The following SGCZ variants were observed in gnomAD, a reference collection of about 807,000 sequenced individuals.
SGCZ encodes the protein zeta-sarcoglycan.
Under a neutral mutation model 41.3 loss-of-function variants are expected in SGCZ, and 40 were observed. The ratio of observed to expected loss-of-function variants is 0.97; its 90% CI spans 0.75 to 1.26. The LOEUF (loss-of-function observed/expected upper bound fraction) is 1.26. Among genes scored for constraint, SGCZ ranks in the 50% most tolerant of loss-of-function variants. SGCZ has a pLI of 0.00. For synonymous variants in SGCZ, 206 were observed against 137.5 expected (o/e 1.50, Z -3.49); for missense variants, 552 against 369.8 (o/e 1.49, Z -4.04).
At chr8:14,330,799 T>A (rs1802290725) in intron 2 of SGCZ, among the ~76,000 whole-genome samples, 1 of 151,960 alleles carries the variant, frequency 6.6e-6, no homozygotes, top group African/African-American at 2.4e-5. Context: ...TGCTGAGCAT[T>A]TTGGCATGAA....
chr8:14,216,838 C>T lies in SGCZ; in HGVS notation c.424+20754G>A, dbSNP rs376849906. Among the ~76,000 whole-genome samples the T allele has an allele frequency of 3.9e-5, 6 of 152,226 alleles. No individual in the cohort carries two copies. In the East Asian group the frequency reaches 5.8e-4, roughly 15 times the overall value. On this transcript the variant is annotated intron_variant, in intron 4 of 7. Coordinates refer to ENST00000382080, the MANE Select transcript of SGCZ (RefSeq NM_139167.4). ...CATGTTATCTTGCAGCACTCTGAGT[C>T]ATGTAAGTCCTAACATTGTATTCAG... is the stretch of plus-strand genomic sequence containing the variant.
chr8:15,129,486 A>G (rs1262138534), intron 1 of SGCZ, among the ~76,000 whole-genome samples: 2 of 152,150 alleles, frequency 1.3e-5, no homozygotes, highest in African/African-American at 4.8e-5. Context: ...TCTTATTGCC[A>G]TCAAATGTCC....
chr8:14,295,858 C>T (rs148406524), intron 3 of SGCZ, among the ~76,000 whole-genome samples: 2 of 152,128 alleles, frequency 1.3e-5, no homozygotes, highest in African/African-American at 4.8e-5. Flanking sequence ...CAGGAGGGAA[C>T]TGCACAGAGA....
chr8:14,863,575 A>G (rs1585328449), intron 1 of SGCZ, among the ~76,000 whole-genome samples: 1 of 152,308 alleles, frequency 6.6e-6, no homozygotes, highest in Non-Finnish European at 1.5e-5. Context: ...TGACAGTCCT[A>G]TCAGGCTCTA....
chr8:14,308,231 C>T (rs1156288252), intron 3 of SGCZ, among the ~76,000 whole-genome samples: 5 of 151,674 alleles, frequency 3.3e-5, no homozygotes, highest in Non-Finnish European at 7.4e-5. Flanking sequence ...TTAATGCAAA[C>T]CAAAGGAAAA....
intron 3 of SGCZ, among the ~76,000 whole-genome samples, chr8:14,285,062 CTTTTAAGGGTTGATTT>C (rs1800576532): frequency 1.3e-5 from 2 of 152,058 alleles, no homozygotes; most frequent in Admixed American, 1.3e-4. Flanking sequence ...TACATTGATT[CTTTTAAGGGTTGATTT>C]TTGCCTTTAA....
intron 1 of SGCZ, among the ~76,000 whole-genome samples, chr8:15,108,883 G>T (rs566173440): frequency 6.6e-6 from 1 of 152,074 alleles, no homozygotes; most frequent in Admixed American, 6.5e-5. Context: ...TGTATTAGTT[G>T]TTACGCAGTG....
chr8:14,613,885 A>C (rs775291841), intron 1 of SGCZ, among the ~76,000 whole-genome samples: 1 of 152,206 alleles, frequency 6.6e-6, no homozygotes, highest in Non-Finnish European at 1.5e-5. Context: ...CAAAACCAGT[A>C]AAAAGTACAA....
chr8:14,645,414 A>G (rs755077655), intron 1 of SGCZ, among the ~76,000 whole-genome samples: 2 of 148,260 alleles, frequency 1.3e-5, no homozygotes, highest in Admixed American at 6.8e-5. Flanking sequence ...TACACAGCCA[A>G]TTAAAATATT....
chr8:14,250,285 T>G (rs1799241321), intron 3 of SGCZ, among the ~76,000 whole-genome samples: 1 of 152,196 alleles, frequency 6.6e-6, no homozygotes, highest in Non-Finnish European at 1.5e-5. Flanking sequence ...TTGAACTATT[T>G]CCCAGCCCAT....
intron 1 of SGCZ, among the ~76,000 whole-genome samples, chr8:14,869,676 A>G (rs945459817): frequency 1.3e-5 from 2 of 152,196 alleles, no homozygotes; most frequent in African/African-American, 2.4e-5. Context: ...ACATAAATGT[A>G]TATTTAGAAA....
intron 1 of SGCZ, among the ~76,000 whole-genome samples, chr8:14,606,028 A>G (rs1407098297): frequency 6.6e-6 from 1 of 152,144 alleles, no homozygotes; most frequent in African/African-American, 2.4e-5. Flanking sequence ...TGTAAGCACC[A>G]TATCTAATTT....
At chr8:14,635,562 C>G (rs147268158) in intron 1 of SGCZ, among the ~76,000 whole-genome samples, 1 of 151,764 alleles carries the variant, frequency 6.6e-6, no homozygotes, top group African/African-American at 2.4e-5. Context: ...AGAAATAATT[C>G]GTAAGTTTTA....
chr8:14,189,760 T>C (rs939725848), intron 4 of SGCZ, among the ~76,000 whole-genome samples: 35 of 152,278 alleles, frequency 2.3e-4, no homozygotes, highest in African/African-American at 8.2e-4. Flanking sequence ...ACCTGCTTTG[T>C]CTTATCACTT....
intron 1 of SGCZ, among the ~76,000 whole-genome samples, chr8:15,111,587 A>G (rs1168637158): frequency 6.6e-6 from 1 of 152,112 alleles, no homozygotes; most frequent in Non-Finnish European, 1.5e-5. Flanking sequence ...ACCCTGTGGA[A>G]TGTCTCCTCA....
intron 3 of SGCZ, among the ~76,000 whole-genome samples, chr8:14,284,828 C>A (rs1438290353): frequency 6.6e-6 from 1 of 152,094 alleles, no homozygotes; most frequent in Non-Finnish European, 1.5e-5. Context: ...ATAGAATATT[C>A]ATTAAAGATC....
chr8:14,098,832 T>A (rs1264116855), intron 7 of SGCZ, among the ~76,000 whole-genome samples: 1 of 152,084 alleles, frequency 6.6e-6, no homozygotes, highest in Non-Finnish European at 1.5e-5. Flanking sequence ...AAGCATGAGC[T>A]ATGGAGGCCT....
chr8:14,338,739 C>A (rs550538140), intron 2 of SGCZ, among the ~76,000 whole-genome samples: 2 of 152,236 alleles, frequency 1.3e-5, no homozygotes, highest in South Asian at 4.1e-4. Context: ...AGTGAACAAA[C>A]TGGCTTTTTT....
At position 14,932,263 on chromosome 8, in the gene SGCZ, T is replaced by C. The variant is rs139977059; in HGVS notation, c.39+305322A>G. ...TTAGATTTTGAAAGTTTCAAAATAT[T>C]ATAACATAAAATCTTTTGTTATAAA... On this transcript the variant is annotated intron_variant, in intron 1 of 7. Coordinates refer to ENST00000382080, the MANE Select transcript of SGCZ (RefSeq NM_139167.4). Among the ~76,000 whole-genome samples, 754 of 152,088 alleles carry C rather than the reference T, an allele frequency of 5.0e-3. 4 individuals carry two copies. Among genetic ancestry groups the C allele is most frequent in the South Asian group, 0.015 (70 of 4,826 alleles).
Sources: gnomAD v4.1 joint callset for allele counts (sites outside exome capture counted in the v4.1 genomes callset) on GRCh38, gnomAD v4.1.1 for gene constraint, MANE v1.5 for transcripts, NCBI Gene and HGNC (gene_info 2026-07-23, HGNC 2026-07-21) for gene names.